The following GNRHR variants were observed in gnomAD, a reference collection of about 807,000 sequenced individuals.
GNRHR encodes gonadotropin-releasing hormone receptor.
GNRHR carries 14 observed loss-of-function variants against 28.1 expected under a neutral mutation model. The observed-to-expected ratio is 0.50, with a 90% CI of 0.33 to 0.78. The LOEUF is 0.78. GNRHR is among the 30% of genes least tolerant of loss of function. The probability of loss-of-function intolerance (pLI) is 0.02; values close to 1 mark genes in which losing one functional copy is unlikely to be tolerated. For missense variants in GNRHR, 366 were observed against 382.1 expected (o/e 0.96, Z 0.35); for synonymous variants, 141 against 140.5 (o/e 1.00, Z -0.02).
At chr4:67,748,041 T>C (rs748208435) in intron 1 of GNRHR, among the ~76,000 whole-genome samples, 6 of 151,960 alleles carry the variant, frequency 3.9e-5, no homozygotes, top group Admixed American at 1.3e-4. Context: ...TTGGATTATA[T>C]TTCTTTAATT....
rs151105045 is a variant in GNRHR at position 67,744,657 on chromosome 4, C to A, written c.653G>T (p.Cys218Phe). The change falls in exon 2 of 3, where the codon TGC becomes TTC. Residue 218 changes from cysteine to phenylalanine, a missense_variant. Physicochemically the swap from Cys to Phe is radical, Grantham distance 205. Coordinates refer to ENST00000226413, the MANE Select transcript of GNRHR (RefSeq NM_000406.3). ...GATGAAAAGAGGGATGATGAAGAGG[C>A]AGCTGAAGGTGAAAAAGTTATAAAA... Reference protein sequence around the residue: ...QAFYNFFTFSCLFIIPLFIML... With the variant: ...QAFYNFFTFSFLFIIPLFIML... The A allele has an allele frequency of 6.2e-6, 10 of 1,612,906 alleles. No individual in the cohort carries two copies. The highest frequency in any genetic ancestry group is 1.6e-4 in the Middle Eastern group (1 of 6,062).
intron 1 of GNRHR, among the ~76,000 whole-genome samples, chr4:67,752,045 TGTCA>T (rs1331820559): frequency 6.6e-6 from 1 of 152,200 alleles, no homozygotes; most frequent in Non-Finnish European, 1.5e-5. Flanking sequence ...TCCAATTTGT[TGTCA>T]GGTTTTGTAT....
Position 67,753,805 on chromosome 4 carries a change from A to G in GNRHR, c.522+9T>C, listed in dbSNP as rs1488608706. ...CCATATCCAAATAAGTTTGTGTATA[A>G]TGGCTTACCTGTGGTCCTGCAAAGA... On this transcript the variant is annotated intron_variant, in intron 1 of 2. Transcript: ENST00000226413. 2 of 1,608,250 alleles carry G rather than the reference A, an allele frequency of 1.2e-6. No individual in the cohort carries two copies. The highest frequency in any genetic ancestry group is 1.1e-5 in the South Asian group (1 of 90,678).
chr4:67,744,471 T>C lies in GNRHR; in HGVS notation c.742+97A>G, dbSNP rs1577868209. ...AAATGAGCTAATATATGCAAACTGCTTAGAACAGTATCTGTCACATAGTTC... is the reference window on the plus strand; with the variant it reads ...AAATGAGCTAATATATGCAAACTGCCTAGAACAGTATCTGTCACATAGTTC... On this transcript the variant is annotated intron_variant, in intron 2 of 2. Transcript: ENST00000226413. 5.2e-6 allele frequency: 4 copies of C among 763,790 alleles called. No homozygotes were observed. In the East Asian group the frequency reaches 7.4e-5, roughly 14 times the overall value. 47.3% of individuals were successfully genotyped at this position (763,790 alleles called of 1,614,324 possible).
intron 1 of GNRHR, among the ~76,000 whole-genome samples, chr4:67,748,628 G>A (rs553942157): frequency 6.6e-5 from 10 of 151,786 alleles, no homozygotes; most frequent in Admixed American, 2.6e-4. Flanking sequence ...TAAAAGAGCT[G>A]GCTGCACCCA....
rs1463697273 is a variant in GNRHR at position 67,740,314 on chromosome 4, T to C, written c.*166A>G. 1.1e-5 allele frequency: 7 copies of C among 615,576 alleles called. No individual in the cohort carries two copies. The highest frequency in any genetic ancestry group is 2.0e-5 in the Non-Finnish European group (7 of 346,670). 38.1% of individuals were successfully genotyped at this position (615,576 alleles called of 1,614,324 possible). A position where few individuals can be genotyped will look rare whatever the true frequency, so the allele number is the denominator to read the frequency against. ...AGTATTTTTCCTGAAGACTTTTCCT[T>C]AATAATTGAGGCTCTGAAGACTGAG... is the stretch of plus-strand genomic sequence containing the variant. On this transcript the variant is annotated 3_prime_UTR_variant, in exon 3 of 3. Coordinates refer to ENST00000226413, the MANE Select transcript of GNRHR (RefSeq NM_000406.3).
intron 1 of GNRHR, chr4:67,753,587 G>C: frequency 1.7e-6 from 1 of 574,658 alleles, no homozygotes; most frequent in South Asian, 2.1e-5. Flanking sequence ...TATTAAGTAA[G>C]CATTAACCCC....
At position 67,740,459 on chromosome 4, in the gene GNRHR, A is replaced by G. The variant is rs1004449112; in HGVS notation, c.*21T>C. ...TCATTACCTTACCCTTCTTCATATG[A>G]CTTCTTGTGTAGTCTATCAATCACA... On this transcript the variant is annotated 3_prime_UTR_variant, in exon 3 of 3. Transcript: ENST00000226413. 3 of 1,566,392 alleles carry G rather than the reference A, an allele frequency of 1.9e-6. No homozygotes were observed.
intron 1 of GNRHR, among the ~76,000 whole-genome samples, chr4:67,749,138 A>G (rs866997463): frequency 1.3e-5 from 2 of 152,130 alleles, no homozygotes; most frequent in South Asian, 2.1e-4. Context: ...TTGTAGCACA[A>G]TGTTAGGCAT....
chr4:67,742,014 T>A (rs1005194548), intron 2 of GNRHR, among the ~76,000 whole-genome samples: 3 of 152,228 alleles, frequency 2.0e-5, no homozygotes, highest in Non-Finnish European at 4.4e-5. Flanking sequence ...CTGTTAACTC[T>A]GCTGATTATT....
intron 2 of GNRHR, among the ~76,000 whole-genome samples, chr4:67,741,895 A>G (rs1731667716): frequency 6.6e-6 from 1 of 151,476 alleles, no homozygotes; most frequent in Non-Finnish European, 1.5e-5. Context: ...TTTCGATGGG[A>G]TTGTTTGTTT....
chr4:67,752,361 G>T (rs2627262), intron 1 of GNRHR, among the ~76,000 whole-genome samples: 9,650 of 151,222 alleles, frequency 0.064, 1,031 homozygotes, highest in African/African-American at 0.22. Context: ...ACAGGTGCGG[G>T]TCATCATGAC....
rs1731590918 is a variant in GNRHR at position 67,738,400 on chromosome 4, G to A, written c.*2080C>T. 6.6e-6 allele frequency among the ~76,000 whole-genome samples: 1 copy of A among 151,390 alleles called. No homozygotes were observed. The highest frequency in any genetic ancestry group is 2.4e-5 in the African/African-American group (1 of 41,234). On this transcript the variant is annotated 3_prime_UTR_variant, in exon 3 of 3. Transcript: ENST00000226413. ...TATATATTTTTTGCATGAAATGTAG[G>A]TTAAGAACCCCTGAGTCAAGATTTC... is the stretch of plus-strand genomic sequence containing the variant.
At chr4:67,747,133 T>G (rs1731769061) in intron 1 of GNRHR, 2 of 152,168 alleles carry the variant, frequency 1.3e-5, no homozygotes, top group South Asian at 4.1e-4. Flanking sequence ...TATATTTCTT[T>G]AAGGTTTTAG....
chr4:67,737,231 A>T lies in GNRHR; in HGVS notation c.*3249T>A, dbSNP rs1261342132. ...GGAAGAAATTTTTAAGAAATCATGC[A>T]GATAACTATATTAACAGTTTTCATA... On this transcript the variant is annotated 3_prime_UTR_variant, in exon 3 of 3. Coordinates refer to ENST00000226413, the MANE Select transcript of GNRHR (RefSeq NM_000406.3). Among the ~76,000 whole-genome samples, 1 of 152,110 alleles carries T rather than the reference A, an allele frequency of 6.6e-6. No homozygotes were observed. The highest frequency in any genetic ancestry group is 1.5e-5 in the Non-Finnish European group (1 of 67,964).
chr4:67,745,927 A>G (rs1313306643), intron 1 of GNRHR, among the ~76,000 whole-genome samples: 1 of 152,110 alleles, frequency 6.6e-6, no homozygotes, highest in African/African-American at 2.4e-5. Flanking sequence ...ATCATGAAAC[A>G]CAAAGAAAGA....
chr4:67,750,690 A>G (rs967094303), intron 1 of GNRHR, among the ~76,000 whole-genome samples: 1 of 152,130 alleles, frequency 6.6e-6, no homozygotes, highest in African/African-American at 2.4e-5. Context: ...GAGTGGTGAA[A>G]ACATGTTTGT....
intron 2 of GNRHR, among the ~76,000 whole-genome samples, chr4:67,744,249 A>G (rs2109983137): frequency 6.6e-6 from 1 of 152,370 alleles, no homozygotes; most frequent in Non-Finnish European, 1.5e-5. Flanking sequence ...TAGTCTAGAT[A>G]TCACAATTTG....
chr4:67,750,587 T>C (rs1047159713), intron 1 of GNRHR, among the ~76,000 whole-genome samples: 2 of 152,112 alleles, frequency 1.3e-5, no homozygotes, highest in African/African-American at 4.8e-5. Flanking sequence ...CTGAGGTTAA[T>C]AATGAGGAAA....
Sources: allele counts gnomAD v4.1 joint callset (sites outside exome capture counted in the v4.1 genomes callset), GRCh38; gene constraint gnomAD v4.1.1; transcripts MANE v1.5; gene names NCBI Gene and HGNC (gene_info 2026-07-23, HGNC 2026-07-21).